Variants in COL25A1 observed in about 807,000 individuals in gnomAD.
COL25A1 encodes the protein collagen alpha-1(XXV) chain.
COL25A1 carries 103 observed loss-of-function variants against 128.4 expected under a neutral mutation model. That is an observed-to-expected ratio of 0.80 (90% CI 0.68 to 0.94). The LOEUF (loss-of-function observed/expected upper bound fraction) is 0.94, where lower values mean the gene tolerates loss of function less well. Ranked by LOEUF, COL25A1 falls within the 40% of genes least tolerant of loss-of-function variation. COL25A1 has a pLI of 0.00. For missense variants in COL25A1, 745 were observed against 840.0 expected (o/e 0.89, Z 1.40); for synonymous variants, 279 against 277.2 (o/e 1.01, Z -0.06).
chr4:109,200,255 T>C (rs546442145), intron 3 of COL25A1, among the ~76,000 whole-genome samples: 4 of 152,214 alleles, frequency 2.6e-5, no homozygotes, highest in Non-Finnish European at 5.9e-5. Flanking sequence ...CCTTCAGTCT[T>C]TCCATGCCTA....
chr4:109,057,449 T>TTTTTTTTTTTTTTTTGTTTTTG (rs1761554359), intron 3 of COL25A1, among the ~76,000 whole-genome samples: 1 of 136,924 alleles, frequency 7.3e-6, no homozygotes. Context: ...TTTTTTTTTT[T>TTTTTTTTTTTTTTTTGTTTTTG]TTTTGCATTT....
chr4:109,010,423 G>C, intron 5 of COL25A1, 48 bp from the exon 6 acceptor site: 10 of 1,401,152 alleles, frequency 7.1e-6, no homozygotes, highest in Non-Finnish European at 9.7e-6. Flanking sequence ...TGTATCCTAA[G>C]TGAATATTTT....
intron 11 of COL25A1, 137 bp from the exon 12 acceptor site, chr4:108,920,741 A>AG (rs1745406761): frequency 3.8e-6 from 2 of 529,992 alleles, no homozygotes; most frequent in Non-Finnish European, 6.1e-6. Flanking sequence ...AGGAAAAAAA[A>AG]AGAAAAATTT....
chr4:109,144,277 C>T (rs1261350422), intron 3 of COL25A1, among the ~76,000 whole-genome samples: 2 of 152,162 alleles, frequency 1.3e-5, no homozygotes, highest in Non-Finnish European at 2.9e-5. Flanking sequence ...AGCTTCGTCC[C>T]AGAGGGGCAC....
chr4:109,091,152 A>G lies in COL25A1; in HGVS notation c.368-40973T>C, dbSNP rs1764859379. Among the ~76,000 whole-genome samples the G allele has an allele frequency of 2.6e-5, 4 of 152,260 alleles. No homozygotes were observed. In the South Asian group the frequency reaches 8.3e-4, roughly 32 times the overall value. On this transcript the variant is annotated intron_variant, in intron 3 of 37. Coordinates refer to ENST00000399132, the MANE Select transcript of COL25A1 (RefSeq NM_198721.4). ...AGTCTAGTCAACAGACTGACATCCA[A>G]AGCCTTCAATACTCTGACTACAACC...
intron 3 of COL25A1, among the ~76,000 whole-genome samples, chr4:109,120,589 G>A (rs1768021299): frequency 6.6e-6 from 1 of 151,962 alleles, no homozygotes; most frequent in Admixed American, 6.6e-5. Context: ...CTAGTGGATT[G>A]CTTGAGCCCA....
At chr4:109,240,018 G>A (rs896787914) in intron 3 of COL25A1, among the ~76,000 whole-genome samples, 1 of 151,948 alleles carries the variant, frequency 6.6e-6, no homozygotes, top group African/African-American at 2.4e-5. Context: ...GTCTTCAGGG[G>A]CAATGACACA....
At position 108,843,515 on chromosome 4, in the gene COL25A1, C is replaced by T. The variant is rs117730429; in HGVS notation, c.1629+1004G>A. Among the ~76,000 whole-genome samples, 30 of 152,282 alleles carry T rather than the reference C, an allele frequency of 2.0e-4. No homozygotes were observed. In the East Asian group the frequency reaches 5.2e-3, roughly 26 times the overall value. On this transcript the variant is annotated intron_variant, in intron 30 of 37. Transcript: ENST00000399132. The stretch of plus-strand genomic sequence containing the variant: ...ACCTTAACAACTGTCTTTGGTTTGA[C>T]ATTTAGAGAATTATACTTGCTTAAT...
chr4:109,107,491 G>C (rs1766556540), intron 3 of COL25A1, among the ~76,000 whole-genome samples: 1 of 152,052 alleles, frequency 6.6e-6, no homozygotes, highest in African/African-American at 2.4e-5. Flanking sequence ...ACTGAGAAAA[G>C]GAAACTAACC....
intron 5 of COL25A1, among the ~76,000 whole-genome samples, chr4:109,015,184 A>G (rs892905837): frequency 6.6e-6 from 1 of 152,232 alleles, no homozygotes; most frequent in Non-Finnish European, 1.5e-5. Flanking sequence ...TCCCAGACTA[A>G]TCAAAAAGAA....
intron 3 of COL25A1, among the ~76,000 whole-genome samples, chr4:109,133,574 A>T (rs1431412713): frequency 6.6e-6 from 1 of 152,172 alleles, no homozygotes; most frequent in African/African-American, 2.4e-5. Context: ...TTATCAAAAT[A>T]TTCTTGTAAA....
chr4:109,058,999 C>T (rs1054677716), intron 3 of COL25A1, among the ~76,000 whole-genome samples: 16 of 152,032 alleles, frequency 1.1e-4, no homozygotes, highest in East Asian at 5.8e-4. Flanking sequence ...GAAATAAGCA[C>T]GAAGGCACAG....
intron 8 of COL25A1, among the ~76,000 whole-genome samples, chr4:108,964,583 T>A (rs1751091343): frequency 6.6e-6 from 1 of 152,126 alleles, no homozygotes; most frequent in Non-Finnish European, 1.5e-5. Flanking sequence ...TCATATTTGA[T>A]GAGCCCAGCC....
At chr4:108,857,769 C>T (rs991534427) in intron 24 of COL25A1, among the ~76,000 whole-genome samples, 6 of 152,040 alleles carry the variant, frequency 3.9e-5, no homozygotes, top group East Asian at 1.9e-4. Flanking sequence ...CTTGTACATA[C>T]GAATGAAGTA....
intron 3 of COL25A1, among the ~76,000 whole-genome samples, chr4:109,156,842 T>C (rs1352510984): frequency 6.6e-6 from 1 of 152,222 alleles, no homozygotes; most frequent in Non-Finnish European, 1.5e-5. Flanking sequence ...CAAATGTACT[T>C]TTCTCTGTGT....
At chr4:108,865,607 T>TA (rs1275117547) in intron 20 of COL25A1, among the ~76,000 whole-genome samples, 1 of 152,234 alleles carries the variant, frequency 6.6e-6, no homozygotes, top group Non-Finnish European at 1.5e-5. Context: ...TAAAAATTAT[T>TA]AAAAAACTGT....
intron 3 of COL25A1, among the ~76,000 whole-genome samples, chr4:109,179,303 T>C (rs891614997): frequency 1.3e-5 from 2 of 152,194 alleles, no homozygotes; most frequent in Non-Finnish European, 2.9e-5. Context: ...CTCCCCCCAC[T>C]GCACCTGACA....
rs1261839844 is a variant in COL25A1 at position 108,866,299 on chromosome 4, CCTTCCACCT to C, written c.1083+2780_1083+2788del. Among the ~76,000 whole-genome samples the C allele has an allele frequency of 2.0e-5, 3 of 150,226 alleles. No homozygotes were observed. In the East Asian group the frequency reaches 5.9e-4, roughly 30 times the overall value. On this transcript the variant is annotated intron_variant, in intron 20 of 37. Transcript: ENST00000399132. ...CCTCTGCCTCCTGGGCTCAGGTGAT[CCTTCCACCT>C]CAGCCTCCTAAGTAGCTGGGACTAC...
chr4:108,993,870 A>AAAC (rs1409381951), intron 6 of COL25A1, among the ~76,000 whole-genome samples: 2 of 151,746 alleles, frequency 1.3e-5, no homozygotes, highest in African/African-American at 4.8e-5. Flanking sequence ...CAAAAAAAAA[A>AAAC]AAACAAGAAA....
Sources: gnomAD v4.1 joint callset for allele counts (sites outside exome capture counted in the v4.1 genomes callset) on GRCh38, gnomAD v4.1.1 for gene constraint, MANE v1.5 for transcripts, NCBI Gene and HGNC (gene_info 2026-07-23, HGNC 2026-07-21) for gene names.